The following NECTIN2 variants were observed in gnomAD, a reference collection of about 807,000 sequenced individuals.
NECTIN2 encodes the protein nectin cell adhesion molecule 2.
A neutral mutation model predicts 56.9 loss-of-function variants in NECTIN2; 23 were observed. The observed-to-expected ratio is 0.40, with a 90% CI of 0.29 to 0.57. NECTIN2 has a LOEUF of 0.57. Ranked by LOEUF, NECTIN2 falls within the 20% of genes least tolerant of loss-of-function variation. The pLI is 0.38. For synonymous variants in NECTIN2, 302 were observed against 313.8 expected (o/e 0.96, Z 0.40); for missense variants, 587 against 718.3 (o/e 0.82, Z 2.09).
At chr19:44,847,046 C>T (rs1968844074) in intron 1 of NECTIN2, among the ~76,000 whole-genome samples, 1 of 152,100 alleles carries the variant, frequency 6.6e-6, no homozygotes, top group Non-Finnish European at 1.5e-5. Flanking sequence ...AGTAAGGTCT[C>T]GAGGAAGAGG....
At chr19:44,864,952 G>A (rs930621643) in intron 1 of NECTIN2, among the ~76,000 whole-genome samples, 19 of 152,186 alleles carry the variant, frequency 1.2e-4, no homozygotes, top group Middle Eastern at 3.4e-3. Flanking sequence ...ATGACATTGC[G>A]ACTTCATATC....
chr19:44,849,440 G>T (rs1220202122), intron 1 of NECTIN2, among the ~76,000 whole-genome samples: 1 of 152,098 alleles, frequency 6.6e-6, no homozygotes, highest in African/African-American at 2.4e-5. Flanking sequence ...GCGACATGTG[G>T]GGGCCACAGG....
intron 1 of NECTIN2, among the ~76,000 whole-genome samples, chr19:44,864,020 C>CCG (rs1969066076): frequency 6.6e-6 from 1 of 151,414 alleles, no homozygotes; most frequent in African/African-American, 2.4e-5. Context: ...ATTCCCCCCC[C>CCG]CCAAAAAAAA....
chr19:44,884,765 G>A (rs1568600621), intron 6 of NECTIN2, among the ~76,000 whole-genome samples: 1 of 152,220 alleles, frequency 6.6e-6, no homozygotes. Flanking sequence ...CTTCCTGGAA[G>A]AGGGGACATC....
chr19:44,880,883 C>T (rs1339463442), intron 5 of NECTIN2, among the ~76,000 whole-genome samples: 1 of 151,852 alleles, frequency 6.6e-6, no homozygotes, highest in Non-Finnish European at 1.5e-5. Context: ...AGCAATTCTC[C>T]TGCCTCAGCC....
Position 44,846,348 on chromosome 19 carries a change from C to A in NECTIN2, c.-178C>A. On this transcript the variant is annotated 5_prime_UTR_variant, in exon 1 of 9. Transcript: ENST00000252483. ...GAGCTGAGCGAGAGGCCGGGGGTGC[C>A]GAGCCGGGCGGGGAGAGCTGGGCCG... The A allele has an allele frequency of 1.4e-6, 1 of 733,374 alleles. No homozygotes were observed. The highest frequency in any genetic ancestry group is 2.0e-6 in the Non-Finnish European group (1 of 506,832). 45.4% of individuals were successfully genotyped at this position (733,374 alleles called of 1,614,324 possible). A position where few individuals can be genotyped will look rare whatever the true frequency, so the allele number is the denominator to read the frequency against.
chr19:44,846,908 G>A (rs1459750155), intron 1 of NECTIN2, among the ~76,000 whole-genome samples: 1 of 151,388 alleles, frequency 6.6e-6, no homozygotes, highest in Non-Finnish European at 1.5e-5. Flanking sequence ...TTCCCGCGCC[G>A]AAAGGGTTAA....
chr19:44,854,924 G>A (rs71364511), intron 1 of NECTIN2, among the ~76,000 whole-genome samples: 31,449 of 151,204 alleles, frequency 0.21, 3,303 homozygotes, highest in Middle Eastern at 0.24. Flanking sequence ...AGGAGATCGA[G>A]ACCATCCTGG....
intron 2 of NECTIN2, among the ~76,000 whole-genome samples, chr19:44,869,962 AAG>A (rs563477804): frequency 2.2e-4 from 33 of 152,064 alleles, no homozygotes; most frequent in Non-Finnish European, 4.0e-4. Flanking sequence ...ATAAAAAAAA[AAG>A]AGAGAGAGAG....
chr19:44,854,918 G>A (rs968291320), intron 1 of NECTIN2, among the ~76,000 whole-genome samples: 3 of 151,842 alleles, frequency 2.0e-5, no homozygotes, highest in African/African-American at 7.3e-5. Context: ...GAGGTCAGGA[G>A]ATCGAGACCA....
chr19:44,863,328 C>A (rs1459157527), intron 1 of NECTIN2, among the ~76,000 whole-genome samples: 2 of 151,738 alleles, frequency 1.3e-5, no homozygotes, highest in Non-Finnish European at 2.9e-5. Context: ...ATTAGCCGGG[C>A]ACTGGTGGCA....
At position 44,865,692 on chromosome 19, in the gene NECTIN2, T is replaced by G. The variant is rs1049607219; in HGVS notation, c.478+32T>G. On this transcript the variant is annotated intron_variant, in intron 2 of 8. Transcript: ENST00000252483. The surrounding 1 kb of genome is among the most constrained non-coding windows in gnomAD (Gnocchi z 5.2). ...AGGGTAAGGGCGGGAGGCAAGGAGG[T>G]GGGAGGGCCGCGGTGTGGGAGCATC... 2 of 1,481,846 alleles carry G rather than the reference T, an allele frequency of 1.3e-6. No individual in the cohort carries two copies. Among genetic ancestry groups the G allele is most frequent in the Non-Finnish European group, 1.8e-6 (2 of 1,114,638 alleles). The allele number at this position is 1,481,846 out of a possible 1,614,324, so 91.8% of individuals were successfully genotyped here.
Position 44,872,141 on chromosome 19 carries a change from CTG to C in NECTIN2, c.769_770del (p.Val257ThrfsTer5). The C allele has an allele frequency of 6.2e-7, 1 of 1,613,350 alleles. No homozygotes were observed. The stretch of plus-strand genomic sequence containing the variant: ...CCAGCCCTGATACCTGTGACCCTCT[CTG>C]TACGCTGTGAGTGTATCGGGGGTGA... On this transcript the variant is annotated frameshift_variant, in exon 3 of 9. Coordinates refer to ENST00000252483, the MANE Select transcript of NECTIN2 (RefSeq NM_001042724.2). LOFTEE classifies it high-confidence loss of function.
intron 1 of NECTIN2, among the ~76,000 whole-genome samples, chr19:44,857,505 A>G (rs8112526): frequency 0.9 from 136,726 of 151,756 alleles, 61,773 homozygotes; most frequent in African/African-American, 0.95. Flanking sequence ...GGGTTCAAGC[A>G]ATCCTCCTGC....
intron 5 of NECTIN2, among the ~76,000 whole-genome samples, chr19:44,881,766 T>A (rs1029392299): frequency 2.0e-5 from 3 of 152,192 alleles, no homozygotes; most frequent in Non-Finnish European, 4.4e-5. Flanking sequence ...GACACTCTCA[T>A]GACTCATCCC....
chr19:44,846,734 C>T lies in NECTIN2; in HGVS notation c.88+121C>T, dbSNP rs1469676587. 3 of 1,204,698 alleles carry T rather than the reference C, an allele frequency of 2.5e-6. No individual in the cohort carries two copies. The African/African-American group carries it at 4.9e-5, about 20-fold the overall frequency. 74.6% of individuals were successfully genotyped at this position (1,204,698 alleles called of 1,614,324 possible). A position where few individuals can be genotyped will look rare whatever the true frequency, so the allele number is the denominator to read the frequency against. ...GCTCCCCGAGCCCCCTCTCGCGTGC[C>T]CCCTTCCTGGCTGGCCCCACAGACT... On this transcript the variant is annotated intron_variant, in intron 1 of 8. Transcript: ENST00000252483.
chr19:44,867,681 G>A (rs192623646), intron 2 of NECTIN2, among the ~76,000 whole-genome samples: 55 of 152,308 alleles, frequency 3.6e-4, no homozygotes, highest in Middle Eastern at 3.4e-3. Context: ...TGGGAGCTGG[G>A]CGCGTTCCAG....
chr19:44,846,734 C>G, intron 1 of NECTIN2, 121 bp downstream of exon 1: 1 of 1,204,824 alleles, frequency 8.3e-7, no homozygotes, highest in Non-Finnish European at 1.1e-6. Context: ...TCTCGCGTGC[C>G]CCCTTCCTGG....
chr19:44,880,426 C>G (rs1599926137), intron 5 of NECTIN2, among the ~76,000 whole-genome samples: 1 of 150,560 alleles, frequency 6.6e-6, no homozygotes, highest in Middle Eastern at 3.5e-3. Context: ...GAAGGAGAGG[C>G]CCAGGAGCAA....
Sources: allele counts gnomAD v4.1 joint callset (sites outside exome capture counted in the v4.1 genomes callset), GRCh38; gene constraint gnomAD v4.1.1; non-coding constraint Gnocchi (gnomAD v3.1); transcripts MANE v1.5; gene names NCBI Gene and HGNC (gene_info 2026-07-23, HGNC 2026-07-21).